CREB3L2: variants seen among roughly 807,000 people sequenced by gnomAD.
The protein encoded by CREB3L2 is cyclic AMP-responsive element-binding protein 3-like protein 2.
In CREB3L2, 23 loss-of-function variants were observed where a neutral mutation model predicts 57.2. The observed-to-expected ratio is 0.40, with a 90% confidence interval of 0.29 to 0.57. The LOEUF (loss-of-function observed/expected upper bound fraction) is 0.57. Ranked by LOEUF, CREB3L2 falls within the 20% of genes least tolerant of loss-of-function variation. The probability of loss-of-function intolerance (pLI) is 0.42; values close to 1 mark genes in which losing one functional copy is unlikely to be tolerated. For missense variants in CREB3L2, 628 were observed against 634.7 expected, an observed-to-expected ratio of 0.99 and a Z score of 0.11; for synonymous variants, 268 against 265.1, an observed-to-expected ratio of 1.01 and a Z score of -0.11.
At position 137,876,236 on chromosome 7, in the gene CREB3L2, A is replaced by T. The variant is rs1393665222; in HGVS notation, c.*4240T>A. The T allele has an allele frequency of 4.3e-6, 1 of 230,702 alleles. No individual in the cohort carries two copies. Among genetic ancestry groups the T allele is most frequent in the African/African-American group, 2.3e-5 (1 of 43,302 alleles). The allele number at this position is 230,702 out of a possible 1,614,324, so 14.3% of individuals were successfully genotyped here. On this transcript the variant is annotated 3_prime_UTR_variant, in exon 12 of 12. Coordinates refer to ENST00000330387, the MANE Select transcript of CREB3L2 (RefSeq NM_194071.4). ...AATCTAATAATAAAAGAATATATAC[A>T]AAATCTCCCAGTGACGAGGGATTCC...
At chr7:137,987,390 A>C (rs1478933993) in intron 1 of CREB3L2, among the ~76,000 whole-genome samples, 3 of 150,566 alleles carry the variant, frequency 2.0e-5, no homozygotes, top group African/African-American at 7.3e-5. Flanking sequence ...TTTCAGTAGC[A>C]AAAAAAAACA....
In CREB3L2 at chr7:137,954,222, C is replaced by T. The variant is rs139887061; in HGVS notation, c.103-25856G>A. On this transcript the variant is annotated intron_variant, in intron 1 of 11. Transcript: ENST00000330387. ...ATGACCCACAGCATTTAATGATCAC[C>T]GAGAACAAAAGTGTAGGATCTTAGT... Among the ~76,000 whole-genome samples, 299 of 152,060 alleles carry T rather than the reference C, an allele frequency of 2.0e-3. 1 individual carries two copies. The highest frequency in any genetic ancestry group is 4.5e-3 in the Admixed American group (68 of 15,270).
chr7:137,959,939 G>A (rs1316559112), intron 1 of CREB3L2, among the ~76,000 whole-genome samples: 1 of 151,996 alleles, frequency 6.6e-6, no homozygotes, highest in Admixed American at 6.6e-5. Flanking sequence ...ATTTTTCAGA[G>A]GTCTACTTTC....
chr7:137,922,416 G>GCACA (rs1378369387), intron 2 of CREB3L2, among the ~76,000 whole-genome samples: 4 of 17,228 alleles, frequency 2.3e-4, no homozygotes, highest in Admixed American at 1.0e-3. Context: ...ATATATATAT[G>GCACA]TATATATATA....
chr7:137,988,504 T>C (rs1563274861), intron 1 of CREB3L2, among the ~76,000 whole-genome samples: 1 of 152,242 alleles, frequency 6.6e-6, no homozygotes, highest in Non-Finnish European at 1.5e-5. Flanking sequence ...CACTTGAATA[T>C]TGTTGATGCC....
chr7:137,957,840 A>G (rs1322542076), intron 1 of CREB3L2: 1 of 1,179,500 alleles, frequency 8.5e-7, no homozygotes, highest in African/African-American at 1.6e-5. Flanking sequence ...TCAATAAGCA[A>G]AAACACTTCA....
intron 1 of CREB3L2, among the ~76,000 whole-genome samples, chr7:137,959,701 A>T (rs770679365): frequency 6.6e-6 from 1 of 152,226 alleles, no homozygotes; most frequent in African/African-American, 2.4e-5. Flanking sequence ...ATGATTTCTC[A>T]AACATTCTAC....
At chr7:137,967,278 G>A (rs1472037343) in intron 1 of CREB3L2, among the ~76,000 whole-genome samples, 1 of 152,210 alleles carries the variant, frequency 6.6e-6, no homozygotes, top group Non-Finnish European at 1.5e-5. Context: ...ACTTTGTTAA[G>A]GTGGCCTGAG....
chr7:137,999,254 T>C (rs764940834), intron 1 of CREB3L2, among the ~76,000 whole-genome samples: 1 of 152,142 alleles, frequency 6.6e-6, no homozygotes, highest in Admixed American at 6.6e-5. Context: ...TTCAATCCCA[T>C]AGTTTGCTCT....
intron 1 of CREB3L2, among the ~76,000 whole-genome samples, chr7:137,969,861 T>C (rs1362050609): frequency 1.3e-5 from 2 of 151,994 alleles, no homozygotes; most frequent in Non-Finnish European, 1.5e-5. Context: ...CTGATGGATT[T>C]AGTCAAATGA....
Position 137,961,717 on chromosome 7 carries a change from C to T in CREB3L2, c.103-33351G>A, listed in dbSNP as rs118111182. 8.0e-3 allele frequency among the ~76,000 whole-genome samples: 1,214 copies of T among 152,236 alleles called. 9 individuals are homozygous for T. Among genetic ancestry groups the T allele is most frequent in the Non-Finnish European group, 0.013 (855 of 68,008 alleles). ...AAACAAAAGCTTTCCTTTTCCCACC[C>T]GGGGGGCACACCTCACAAGACTCTG... On this transcript the variant is annotated intron_variant, in intron 1 of 11. Transcript: ENST00000330387.
chr7:137,879,499 C>T lies in CREB3L2; in HGVS notation c.*977G>A. ...GAGTGAGGCATTGTGTCATCTCTCG[C>T]TCTGAGCTCATCCTAGAGGCAGACA... On this transcript the variant is annotated 3_prime_UTR_variant, in exon 12 of 12. Transcript: ENST00000330387. The T allele has an allele frequency of 3.0e-6, 1 of 329,624 alleles. No individual in the cohort carries two copies. The highest frequency in any genetic ancestry group is 5.0e-5 in the East Asian group (1 of 19,810). 20.4% of individuals were successfully genotyped at this position (329,624 alleles called of 1,614,324 possible). A position where few individuals can be genotyped will look rare whatever the true frequency, so the allele number is the denominator to read the frequency against.
intron 8 of CREB3L2, among the ~76,000 whole-genome samples, chr7:137,899,517 G>T (rs568625901): frequency 6.6e-6 from 1 of 151,708 alleles, no homozygotes; most frequent in East Asian, 2.0e-4. Context: ...GCTGGCTCGG[G>T]GAGCAGGATC....
intron 1 of CREB3L2, among the ~76,000 whole-genome samples, chr7:137,950,800 G>A (rs1801079895): frequency 6.6e-6 from 1 of 152,132 alleles, no homozygotes; most frequent in South Asian, 2.1e-4. Flanking sequence ...CAGGAGAAAG[G>A]GAACCTTTTC....
intron 2 of CREB3L2, among the ~76,000 whole-genome samples, chr7:137,922,414 A>ATG (rs1554498030): frequency 6.7e-5 from 2 of 29,932 alleles, no homozygotes; most frequent in Non-Finnish European, 1.4e-4. Flanking sequence ...ATATATATAT[A>ATG]TGTATATATA....
chr7:137,902,335 C>T (rs1216923675), intron 7 of CREB3L2, among the ~76,000 whole-genome samples: 1 of 152,076 alleles, frequency 6.6e-6, no homozygotes, highest in Non-Finnish European at 1.5e-5. Flanking sequence ...TCTCAATGCC[C>T]ATCATACTTC....
chr7:137,921,176 T>C (rs191120563), intron 2 of CREB3L2, among the ~76,000 whole-genome samples: 2 of 152,224 alleles, frequency 1.3e-5, no homozygotes, highest in African/African-American at 2.4e-5. Context: ...AAAATAAAAA[T>C]GTTCTTTCCG....
At chr7:137,886,754 A>G (rs555192800) in intron 8 of CREB3L2, among the ~76,000 whole-genome samples, 1 of 151,794 alleles carries the variant, frequency 6.6e-6, no homozygotes, top group Non-Finnish European at 1.5e-5. Flanking sequence ...TTTTATCCCT[A>G]AAATTGGACA....
At chr7:137,901,496 G>A (rs1799756135) in intron 7 of CREB3L2, 74 bp from the exon 8 acceptor site, 3 of 935,478 alleles carry the variant, frequency 3.2e-6, no homozygotes, top group East Asian at 2.5e-5. Flanking sequence ...GGTGGAGGTA[G>A]GTGGGGATGA....
Sources: allele counts gnomAD v4.1 joint callset (sites outside exome capture counted in the v4.1 genomes callset), GRCh38; gene constraint gnomAD v4.1.1; transcripts MANE v1.5; gene names NCBI Gene and HGNC (gene_info 2026-07-23, HGNC 2026-07-21).